PAAF1: variants seen among roughly 807,000 people sequenced by gnomAD.
PAAF1 encodes the protein proteasomal ATPase associated factor 1, also known as proteasomal ATPase-associated factor 1.
PAAF1 carries 46 observed loss-of-function variants against 52.8 expected under a neutral mutation model. The ratio of observed to expected loss-of-function variants is 0.87; its 90% CI spans 0.69 to 1.11. The LOEUF (loss-of-function observed/expected upper bound fraction) is 1.11, where lower values mean the gene tolerates loss of function less well. Ranked by LOEUF, PAAF1 falls within the 50% of genes most tolerant of loss-of-function variation. The pLI, the probability that PAAF1 is intolerant of heterozygous loss-of-function variation, is 0.00. For missense variants in PAAF1, 424 were observed against 477.4 expected (o/e 0.89, Z 1.04); for synonymous variants, 178 against 172.8 (o/e 1.03, Z -0.24).
chr11:73,909,640 C>A, intron 7 of PAAF1, 47 bp downstream of exon 7: 1 of 1,558,156 alleles, frequency 6.4e-7, no homozygotes, highest in African/African-American at 1.4e-5. Flanking sequence ...CTTAGGCCCC[C>A]TTCAGTGATT....
chr11:73,880,560 C>G (rs1458059711), intron 2 of PAAF1: 1 of 149,594 alleles, frequency 6.7e-6, no homozygotes, highest in East Asian at 2.0e-4. Context: ...GGTGGTGGGC[C>G]CCTGTAGTCC....
At chr11:73,889,084 A>T (rs1949135426) in intron 3 of PAAF1, 2 of 877,494 alleles carry the variant, frequency 2.3e-6, no homozygotes, top group African/African-American at 1.7e-5. Flanking sequence ...TGTTGATTCC[A>T]AGTTTAGCAC....
intron 10 of PAAF1, chr11:73,921,723 G>C (rs868613991): frequency 2.8e-6 from 3 of 1,053,104 alleles, no homozygotes; most frequent in Non-Finnish European, 2.9e-6. Context: ...ACCACTTGCA[G>C]CGTTTATCAT....
intron 6 of PAAF1, among the ~76,000 whole-genome samples, chr11:73,903,550 C>G (rs1949681081): frequency 6.6e-6 from 1 of 151,258 alleles, no homozygotes; most frequent in Non-Finnish European, 1.5e-5. Context: ...AACCCAGTCT[C>G]TACTAAAAAT....
intron 6 of PAAF1, among the ~76,000 whole-genome samples, chr11:73,906,440 C>T (rs576638480): frequency 4.8e-4 from 73 of 152,130 alleles, no homozygotes; most frequent in African/African-American, 1.5e-3. Flanking sequence ...TTAGTAGAGA[C>T]GGGTTTCGCT....
intron 2 of PAAF1, chr11:73,887,137 A>G: frequency 2.0e-6 from 1 of 497,764 alleles, no homozygotes. Context: ...TAAATTACCC[A>G]GCCTCAGGTA....
chr11:73,876,952 G>C (rs2010583), upstream of PAAF1: 116,563 of 1,432,864 alleles, frequency 0.081, 6,848 homozygotes, highest in African/African-American at 0.26. Flanking sequence ...CTCTGTCCTC[G>C]CCGCACGCTT....
chr11:73,897,641 G>C (rs1321549609), intron 4 of PAAF1, among the ~76,000 whole-genome samples: 1 of 150,040 alleles, frequency 6.7e-6, no homozygotes, highest in Non-Finnish European at 1.5e-5. Flanking sequence ...GCCGGGCAGA[G>C]AGGCTCCTCA....
chr11:73,889,175 T>C (rs780871147), intron 3 of PAAF1: 1 of 1,529,020 alleles, frequency 6.5e-7, no homozygotes, highest in South Asian at 1.2e-5. Context: ...TACTCAGACC[T>C]GGATACAGTC....
intron 4 of PAAF1, among the ~76,000 whole-genome samples, chr11:73,898,427 GCTGGTCTCGAACTC>G (rs1949492977): frequency 6.6e-6 from 1 of 151,878 alleles, no homozygotes; most frequent in Non-Finnish European, 1.5e-5. Flanking sequence ...TATTGCCCAG[GCTGGTCTCGAACTC>G]CTGGGCTCAA....
At chr11:73,900,212 A>G (rs1717413381) in intron 5 of PAAF1, 58 bp from the exon 6 acceptor site, 1 of 1,527,026 alleles carries the variant, frequency 6.5e-7, no homozygotes, top group Non-Finnish European at 8.9e-7. Context: ...ATGGGAGGTA[A>G]GAGAACATCA....
intron 4 of PAAF1, among the ~76,000 whole-genome samples, chr11:73,891,726 GATT>G (rs577650481): frequency 2.1e-3 from 321 of 152,222 alleles, no homozygotes; most frequent in Non-Finnish European, 4.0e-3. Flanking sequence ...AGTGAGCTGA[GATT>G]ATGCCACTGC....
intron 3 of PAAF1, among the ~76,000 whole-genome samples, chr11:73,887,984 G>A (rs1231732172): frequency 1.3e-5 from 2 of 152,166 alleles, no homozygotes; most frequent in African/African-American, 2.4e-5. Flanking sequence ...TCCTGACCTC[G>A]TGATCCACCT....
chr11:73,923,123 A>G (rs571210018), intron 10 of PAAF1, among the ~76,000 whole-genome samples: 4 of 152,092 alleles, frequency 2.6e-5, no homozygotes, highest in Non-Finnish European at 5.9e-5. Context: ...TAGCATTTCT[A>G]TATGTCTCTC....
chr11:73,916,906 AAACT>A (rs1341134102), intron 9 of PAAF1, among the ~76,000 whole-genome samples: 1 of 152,324 alleles, frequency 6.6e-6, no homozygotes, highest in East Asian at 1.9e-4. Context: ...GCTTAAATAT[AAACT>A]AACATTTCAT....
rs1209324822 is a variant in PAAF1, at chr11:73,904,107, A to G, written c.532+3687A>G. ...TCAAAAAAAAAAAAAGTATATATAT[A>G]TACATAAATTGGTCCCCCAATTGTG... On this transcript the variant is annotated intron_variant, in intron 6 of 11. Transcript: ENST00000310571. Among the ~76,000 whole-genome samples the G allele has an allele frequency of 2.0e-5, 3 of 151,868 alleles. No homozygotes were observed. In the East Asian group the frequency reaches 5.8e-4, roughly 29 times the overall value.
At position 73,928,371 on chromosome 11, in the gene PAAF1, G is replaced by A. The variant is rs1950410399; in HGVS notation, c.*1009G>A. The A allele has an allele frequency of 6.6e-6, 1 of 152,186 alleles. No homozygotes were observed. Among genetic ancestry groups the A allele is most frequent in the South Asian group, 2.1e-4 (1 of 4,834 alleles). The allele number at this position is 152,186 out of a possible 1,614,324, so 9.4% of individuals were successfully genotyped here. On this transcript the variant is annotated 3_prime_UTR_variant, in exon 12 of 12. Coordinates refer to ENST00000310571, the MANE Select transcript of PAAF1 (RefSeq NM_025155.3). ...AAGGAGCACGAATGTTAGCTAAGGA[G>A]CTCAGACTTTACGTGGTTGGCAGTG... is the stretch of plus-strand genomic sequence containing the variant.
chr11:73,876,919 T>A (rs2135111598), upstream of PAAF1: 1 of 1,161,336 alleles, frequency 8.6e-7, no homozygotes, highest in Non-Finnish European at 1.2e-6. Context: ...TTTTCATTGG[T>A]GGCCTCTTGG....
chr11:73,921,995 C>T (rs1476168993), intron 10 of PAAF1: 2 of 825,022 alleles, frequency 2.4e-6, no homozygotes, highest in Non-Finnish European at 4.1e-6. Context: ...ATATCAAGGT[C>T]CTGTCAGCTT....
Sources: allele counts gnomAD v4.1 joint callset (sites outside exome capture counted in the v4.1 genomes callset), GRCh38; gene constraint gnomAD v4.1.1; transcripts MANE v1.5; gene names NCBI Gene and HGNC (gene_info 2026-07-23, HGNC 2026-07-21).